SND1: variants seen among roughly 807,000 people sequenced by gnomAD.
The protein encoded by SND1 is staphylococcal nuclease and tudor domain containing 1.
SND1 carries 38 observed loss-of-function variants against 121.7 expected under a neutral mutation model. The ratio of observed to expected loss-of-function variants is 0.31; its 90% CI spans 0.24 to 0.41. The LOEUF is 0.41. Ranked by LOEUF, SND1 falls within the 10% of genes least tolerant of loss-of-function variation. The pLI, the probability that SND1 is intolerant of heterozygous loss-of-function variation, is 1.00. For synonymous variants in SND1, 401 were observed against 447.4 expected (o/e 0.90, Z 1.31); for missense variants, 868 against 1,184.6 (o/e 0.73, Z 3.92).
At chr7:127,994,219 C>T (rs747329563) in intron 16 of SND1, among the ~76,000 whole-genome samples, 3 of 152,168 alleles carry the variant, frequency 2.0e-5, no homozygotes, top group South Asian at 2.1e-4. Flanking sequence ...TTTACACTGA[C>T]GCTAGTCAGC....
At chr7:127,733,877 G>A (rs1191100735) in intron 10 of SND1, among the ~76,000 whole-genome samples, 1 of 152,094 alleles carries the variant, frequency 6.6e-6, no homozygotes, top group Non-Finnish European at 1.5e-5. Flanking sequence ...GACTCTCATG[G>A]TGAAATCTAG....
At chr7:127,916,224 G>A (rs1303302143) in intron 14 of SND1, among the ~76,000 whole-genome samples, 1 of 152,104 alleles carries the variant, frequency 6.6e-6, no homozygotes, top group African/African-American at 2.4e-5. Context: ...GGCAATGGAG[G>A]CGGAAAGATA....
chr7:127,781,194 A>G (rs1451779838), intron 10 of SND1, among the ~76,000 whole-genome samples: 1 of 152,226 alleles, frequency 6.6e-6, no homozygotes, highest in Non-Finnish European at 1.5e-5. Flanking sequence ...GCTGAACTTA[A>G]AAGACTTTGA....
chr7:127,902,300 A>T (rs186668419), intron 13 of SND1, among the ~76,000 whole-genome samples: 3 of 152,334 alleles, frequency 2.0e-5, no homozygotes, highest in Admixed American at 1.3e-4. Flanking sequence ...GTTAAAGGAT[A>T]AGGCTGTAGG....
At chr7:128,082,160 G>A (rs947490847) in intron 18 of SND1, among the ~76,000 whole-genome samples, 2 of 152,186 alleles carry the variant, frequency 1.3e-5, no homozygotes, top group African/African-American at 4.8e-5. Context: ...TCTGGCAGCC[G>A]CTAGCCCGAC....
intron 15 of SND1, among the ~76,000 whole-genome samples, chr7:127,949,757 T>C (rs954578224): frequency 2.0e-5 from 3 of 152,130 alleles, no homozygotes; most frequent in Admixed American, 6.5e-5. Context: ...CAGCACAGGG[T>C]GAAATGTGGG....
intron 16 of SND1, among the ~76,000 whole-genome samples, chr7:128,053,166 G>A (rs2117023359): frequency 6.6e-6 from 1 of 152,378 alleles, no homozygotes; most frequent in South Asian, 2.1e-4. Context: ...AGTTTTGGCA[G>A]AGGTTCTATG....
chr7:127,934,097 G>A (rs538517704), intron 15 of SND1, among the ~76,000 whole-genome samples: 1 of 152,306 alleles, frequency 6.6e-6, no homozygotes, highest in South Asian at 2.1e-4. Flanking sequence ...ATTTCTTTAG[G>A]TGGACATCAG....
intron 15 of SND1, among the ~76,000 whole-genome samples, chr7:127,931,288 C>T (rs1300941619): frequency 6.6e-6 from 1 of 152,086 alleles, no homozygotes; most frequent in Non-Finnish European, 1.5e-5. Flanking sequence ...TTTTAGTGGT[C>T]TGGATAGAAG....
intron 12 of SND1, among the ~76,000 whole-genome samples, chr7:127,851,982 C>T (rs191749839): frequency 6.6e-6 from 1 of 152,018 alleles, no homozygotes; most frequent in African/African-American, 2.4e-5. Flanking sequence ...CATGGCGAAA[C>T]CCCTGTCTCA....
At chr7:127,911,030 G>C (rs1284160143) in intron 14 of SND1, among the ~76,000 whole-genome samples, 1 of 152,186 alleles carries the variant, frequency 6.6e-6, no homozygotes, top group African/African-American at 2.4e-5. Context: ...AAATATGGTT[G>C]GCCCCTTGCC....
At chr7:127,992,372 G>T (rs1802542334) in intron 16 of SND1, among the ~76,000 whole-genome samples, 1 of 152,210 alleles carries the variant, frequency 6.6e-6, no homozygotes, top group African/African-American at 2.4e-5. Flanking sequence ...GTCTATAAGT[G>T]CCTGTTGCAG....
intron 16 of SND1, chr7:127,999,675 A>T (rs543726030): frequency 1.3e-5 from 2 of 152,316 alleles, no homozygotes; most frequent in South Asian, 4.1e-4. Flanking sequence ...CAATTGGGGA[A>T]TGCATGTACT....
At chr7:128,005,507 C>G (rs1221099534) in intron 16 of SND1, among the ~76,000 whole-genome samples, 4 of 152,188 alleles carry the variant, frequency 2.6e-5, no homozygotes, top group Admixed American at 2.6e-4. Flanking sequence ...AGCAATTCAC[C>G]TTTTCCCTTA....
intron 10 of SND1, among the ~76,000 whole-genome samples, chr7:127,794,915 A>G (rs989526886): frequency 6.6e-6 from 1 of 152,206 alleles, no homozygotes; most frequent in South Asian, 2.1e-4. Flanking sequence ...CAGTTGTGAT[A>G]TACTGGTCCT....
At chr7:127,918,887 T>C (rs945980702) in intron 14 of SND1, among the ~76,000 whole-genome samples, 5 of 152,338 alleles carry the variant, frequency 3.3e-5, no homozygotes, top group African/African-American at 7.2e-5. Context: ...AGTAAAATGA[T>C]TGGGTTTTTA....
chr7:127,875,751 A>G (rs1489616123), intron 12 of SND1, among the ~76,000 whole-genome samples: 1 of 152,172 alleles, frequency 6.6e-6, no homozygotes, highest in Non-Finnish European at 1.5e-5. Flanking sequence ...CATGGTGGAC[A>G]TCCTGTAGAT....
intron 2 of SND1, among the ~76,000 whole-genome samples, chr7:127,688,540 T>A (rs1264992014): frequency 1.5e-5 from 2 of 131,300 alleles, no homozygotes; most frequent in African/African-American, 5.9e-5. Context: ...CATAGCAAGA[T>A]CCCATCTCAA....
intron 16 of SND1, among the ~76,000 whole-genome samples, chr7:128,014,113 T>G (rs1698683910): frequency 6.6e-6 from 1 of 152,182 alleles, no homozygotes. Flanking sequence ...ACCTGGCCAC[T>G]TCTTTTGGAA....
Sources: gnomAD v4.1 joint callset for allele counts (sites outside exome capture counted in the v4.1 genomes callset) on GRCh38, gnomAD v4.1.1 for gene constraint, MANE v1.5 for transcripts, NCBI Gene and HGNC (gene_info 2026-07-23, HGNC 2026-07-21) for gene names.